The following NRG1 variants were observed in gnomAD, a reference collection of about 807,000 sequenced individuals.
NRG1 encodes neuregulin 1, also known as pro-neuregulin-1, membrane-bound isoform.
A neutral mutation model predicts 63.8 loss-of-function variants in NRG1; 18 were observed. That is an observed-to-expected ratio of 0.28 (90% CI 0.19 to 0.42). The LOEUF (loss-of-function observed/expected upper bound fraction) is 0.42, where lower values mean the gene tolerates loss of function less well. NRG1 is among the 10% of genes least tolerant of loss of function. The probability of loss-of-function intolerance (pLI) is 1.00; values close to 1 mark genes in which losing one functional copy is unlikely to be tolerated. For synonymous variants in NRG1, 302 were observed against 301.3 expected, an observed-to-expected ratio of 1.00 and a Z score of -0.02; for missense variants, 762 against 814.7, an observed-to-expected ratio of 0.94 and a Z score of 0.79.
In NRG1 at chr8:32,448,642, G is replaced by A. The variant is rs72612108; in HGVS notation, c.38-147186G>A. ...AAAACAGGATTGAGATGAAAACCAA[G>A]CTCACCCACATCCTACGTCAATTAG... On this transcript the variant is annotated intron_variant, in intron 1 of 10. Coordinates refer to the NRG1 transcript ENST00000519301. 0.047 allele frequency among the ~76,000 whole-genome samples: 7,085 copies of A among 152,038 alleles called. 1,142 individuals carry two copies. The East Asian group carries it at 0.63, about 13-fold the overall frequency.
intron 1 of NRG1, among the ~76,000 whole-genome samples, chr8:32,150,409 G>A (rs1301396493): frequency 1.3e-5 from 2 of 152,084 alleles, no homozygotes; most frequent in African/African-American, 4.8e-5. Context: ...AAGGTCTTTG[G>A]GGAACTGATT....
At chr8:31,715,177 A>G (rs987719867) in intron 1 of NRG1, among the ~76,000 whole-genome samples, 1 of 152,180 alleles carries the variant, frequency 6.6e-6, no homozygotes, top group Non-Finnish European at 1.5e-5. Flanking sequence ...AATTGTAAAT[A>G]TATGTTGTAT....
intron 1 of NRG1, among the ~76,000 whole-genome samples, chr8:32,061,297 C>T (rs916585491): frequency 8.6e-5 from 13 of 151,898 alleles, no homozygotes; most frequent in African/African-American, 3.1e-4. Context: ...GACCAGTAGT[C>T]AATTATTATG....
chr8:31,672,582 G>T (rs746013974), intron 1 of NRG1, among the ~76,000 whole-genome samples: 1 of 152,198 alleles, frequency 6.6e-6, no homozygotes, highest in African/African-American at 2.4e-5. Context: ...ATGGCATGTA[G>T]CACAGGAAAT....
At position 31,968,327 on chromosome 8, in the gene NRG1, C is replaced by T. The variant is rs114429233; in HGVS notation, c.37+328896C>T. ...CCAGAATGTCCTAACTGGCTTGGCT[C>T]ATGTCTGCTGTGGGTAAAGGAAAAG... On this transcript the variant is annotated intron_variant, in intron 1 of 10. Coordinates refer to the NRG1 transcript ENST00000519301. 8.2e-3 allele frequency among the ~76,000 whole-genome samples: 1,254 copies of T among 152,230 alleles called. 18 individuals are homozygous for T. Among genetic ancestry groups the T allele is most frequent in the African/African-American group, 0.029 (1,203 of 41,516 alleles).
chr8:31,910,627 A>G (rs1321409584), intron 1 of NRG1, among the ~76,000 whole-genome samples: 2 of 152,234 alleles, frequency 1.3e-5, no homozygotes, highest in African/African-American at 4.8e-5. Context: ...TCCATTGTAT[A>G]TAAAAGGCTA....
chr8:32,396,376 CTTCT>C (rs1467579883), intron 1 of NRG1, among the ~76,000 whole-genome samples: 1 of 152,128 alleles, frequency 6.6e-6, no homozygotes, highest in African/African-American at 2.4e-5. Context: ...TTCTTTAAAA[CTTCT>C]TTCAACAATT....
intron 1 of NRG1, among the ~76,000 whole-genome samples, chr8:32,090,284 T>C (rs1225542858): frequency 6.6e-6 from 1 of 152,244 alleles, no homozygotes; most frequent in Non-Finnish European, 1.5e-5. Flanking sequence ...GTTTCATATA[T>C]TGATAAATTT....
At chr8:31,805,143 A>G (rs957939066) in intron 1 of NRG1, among the ~76,000 whole-genome samples, 1 of 152,144 alleles carries the variant, frequency 6.6e-6, no homozygotes, top group Non-Finnish European at 1.5e-5. Context: ...ACATTTATCA[A>G]TTATATTCTT....
At chr8:32,328,841 T>C (rs1802309019) in intron 1 of NRG1, among the ~76,000 whole-genome samples, 1 of 152,192 alleles carries the variant, frequency 6.6e-6, no homozygotes, top group Admixed American at 6.5e-5. Context: ...GCTGTTTGAC[T>C]TTAAATTCAC....
intron 1 of NRG1, among the ~76,000 whole-genome samples, chr8:31,682,473 A>G (rs1347680382): frequency 2.0e-5 from 3 of 152,190 alleles, no homozygotes; most frequent in Non-Finnish European, 4.4e-5. Flanking sequence ...TGCATATAAT[A>G]AAGTGACATA....
chr8:32,203,188 CTTTTTTTTTTTTT>C (rs11311144), intron 1 of NRG1, among the ~76,000 whole-genome samples: 2 of 61,462 alleles, frequency 3.3e-5, no homozygotes, highest in Non-Finnish European at 6.2e-5. Flanking sequence ...AGCAAGCCAG[CTTTTTTTTTTTTT>C]TTTTTTTTTT....
chr8:32,388,815 G>A (rs868743770), intron 1 of NRG1, among the ~76,000 whole-genome samples: 1 of 151,998 alleles, frequency 6.6e-6, no homozygotes, highest in Admixed American at 6.6e-5. Context: ...AAATGATAAA[G>A]TTTTTTTTGG....
At chr8:32,306,848 C>A (rs750742621) in intron 1 of NRG1, among the ~76,000 whole-genome samples, 18 of 152,288 alleles carry the variant, frequency 1.2e-4, no homozygotes, top group Non-Finnish European at 2.5e-4. Context: ...ATCAAAGAAC[C>A]AAATCCAGTG....
intron 1 of NRG1, among the ~76,000 whole-genome samples, chr8:32,407,433 G>T (rs978271156): frequency 6.6e-6 from 1 of 150,882 alleles, no homozygotes; most frequent in African/African-American, 2.4e-5. Flanking sequence ...AACAGTGTAG[G>T]ATCCATTAGT....
At chr8:31,955,997 T>C (rs560607320) in intron 1 of NRG1, among the ~76,000 whole-genome samples, 187 of 143,426 alleles carry the variant, frequency 1.3e-3, no homozygotes, top group Non-Finnish European at 2.3e-3. Flanking sequence ...GCCATGATCA[T>C]AGCACTCCAC....
At chr8:32,430,671 G>A (rs2129486716) in intron 1 of NRG1, among the ~76,000 whole-genome samples, 1 of 152,236 alleles carries the variant, frequency 6.6e-6, no homozygotes, top group Admixed American at 6.5e-5. Context: ...ATTAAATGGT[G>A]AAGCAGCTAC....
At chr8:32,373,840 A>C (rs1809263358) in intron 1 of NRG1, among the ~76,000 whole-genome samples, 1 of 152,204 alleles carries the variant, frequency 6.6e-6, no homozygotes, top group South Asian at 2.1e-4. Context: ...CTAAAAGTAT[A>C]TTTTAAAAAA....
chr8:31,648,156 C>T (rs1804476399), intron 1 of NRG1, among the ~76,000 whole-genome samples: 1 of 70,534 alleles, frequency 1.4e-5, no homozygotes, highest in Non-Finnish European at 2.3e-5. Context: ...TTTTTTGAGA[C>T]GGAGTTTCGC....
Sources: gnomAD v4.1 joint callset for allele counts (sites outside exome capture counted in the v4.1 genomes callset) on GRCh38, gnomAD v4.1.1 for gene constraint, MANE v1.5 for transcripts, NCBI Gene and HGNC (gene_info 2026-07-23, HGNC 2026-07-21) for gene names.